PREX2: variants seen among roughly 807,000 people sequenced by gnomAD.
PREX2 encodes the protein phosphatidylinositol-3,4,5-trisphosphate dependent Rac exchange factor 2.
PREX2 carries 107 observed loss-of-function variants against 203.2 expected under a neutral mutation model. The ratio of observed to expected loss-of-function variants is 0.53; its 90% CI spans 0.45 to 0.62. The LOEUF (loss-of-function observed/expected upper bound fraction) is 0.62, where lower values mean the gene tolerates loss of function less well. Ranked by LOEUF, PREX2 falls within the 20% of genes least tolerant of loss-of-function variation. PREX2 has a pLI of 0.00. For missense variants in PREX2, 1,777 were observed against 1,955.9 expected (o/e 0.91, Z 1.72); for synonymous variants, 672 against 663.6 (o/e 1.01, Z -0.19).
chr8:68,158,835 G>T (rs983834990), intron 35 of PREX2, among the ~76,000 whole-genome samples: 3 of 152,018 alleles, frequency 2.0e-5, no homozygotes, highest in African/African-American at 7.2e-5. Flanking sequence ...TAACAGCATT[G>T]ATGATCAAAA....
Position 68,236,444 on chromosome 8 carries a change from T to C in PREX2, c.*5066T>C, listed in dbSNP as rs1813266376. On this transcript the variant is annotated 3_prime_UTR_variant, in exon 40 of 40. Coordinates refer to ENST00000288368, the MANE Select transcript of PREX2 (RefSeq NM_024870.4). Reference sequence around the variant, plus strand: ...GATTTGAAAACCTTCGTGGTGTCTCTGTGTGTTATTGATCATCTGTGTCTT... The same window carrying C: ...GATTTGAAAACCTTCGTGGTGTCTCCGTGTGTTATTGATCATCTGTGTCTT... 6.6e-6 allele frequency: 1 copy of C among 152,184 alleles called. No individual in the cohort carries two copies. The highest frequency in any genetic ancestry group is 2.1e-4 in the South Asian group (1 of 4,832). The allele number at this position is 152,184 out of a possible 1,614,324, so 9.4% of individuals were successfully genotyped here.
chr8:68,172,568 TAATC>T (rs1811901388), intron 35 of PREX2, among the ~76,000 whole-genome samples: 1 of 152,186 alleles, frequency 6.6e-6, no homozygotes, highest in Non-Finnish European at 1.5e-5. Flanking sequence ...TACAAGAAGA[TAATC>T]AATCTTAAGC....
At chr8:68,086,317 C>T (rs770426742) in intron 18 of PREX2, among the ~76,000 whole-genome samples, 10 of 152,100 alleles carry the variant, frequency 6.6e-5, no homozygotes, top group Non-Finnish European at 1.3e-4. Context: ...TGCCTTAGGC[C>T]TAAATGTAGC....
At chr8:68,025,175 G>A (rs1418369669) in intron 4 of PREX2, among the ~76,000 whole-genome samples, 1 of 151,758 alleles carries the variant, frequency 6.6e-6, no homozygotes, top group Non-Finnish European at 1.5e-5. Context: ...AGTTCTACTA[G>A]CAATAACTTT....
At position 68,178,519 on chromosome 8, in the gene PREX2, T is replaced by C. The variant is rs1196141157; in HGVS notation, c.4347-13203T>C. ...TTGTAGACTCTGGATATTAGACCTTTGGCAGTTGGATAGATTGCAAAATTT... is the reference window on the plus strand; with the variant it reads ...TTGTAGACTCTGGATATTAGACCTTCGGCAGTTGGATAGATTGCAAAATTT... On this transcript the variant is annotated intron_variant, in intron 35 of 39. Coordinates refer to ENST00000288368, the MANE Select transcript of PREX2 (RefSeq NM_024870.4). Among the ~76,000 whole-genome samples the C allele has an allele frequency of 2.0e-5, 3 of 152,126 alleles. No homozygotes were observed. In the East Asian group the frequency reaches 5.8e-4, roughly 29 times the overall value.
At chr8:68,099,344 G>T (rs1375847038) in intron 22 of PREX2, among the ~76,000 whole-genome samples, 1 of 151,844 alleles carries the variant, frequency 6.6e-6, no homozygotes, top group Non-Finnish European at 1.5e-5. Flanking sequence ...CTAAAATATA[G>T]AAGTGTCCCA....
chr8:68,087,637 T>C (rs1585775260), intron 18 of PREX2, 87 bp from the exon 19 acceptor site: 1 of 942,786 alleles, frequency 1.1e-6, no homozygotes, highest in African/African-American at 1.6e-5. Context: ...TATGTATTTA[T>C]TGAGAGGTGT....
intron 33 of PREX2, among the ~76,000 whole-genome samples, chr8:68,138,726 C>T (rs1811161741): frequency 6.6e-6 from 1 of 152,080 alleles, no homozygotes; most frequent in Admixed American, 6.5e-5. Context: ...GGTTTAATGT[C>T]CATATCTTTT....
At position 68,053,177 on chromosome 8, in the gene PREX2, A is replaced by G. The variant is rs200431659; in HGVS notation, c.1024A>G (p.Met342Val). 3.8e-5 allele frequency: 62 copies of G among 1,613,692 alleles called. No homozygotes were observed. Among genetic ancestry groups the G allele is most frequent in the Non-Finnish European group, 4.9e-5 (58 of 1,179,782 alleles). ...NTAKNKWFVC[M>V]AKTPEEKHEW... ...AGCAAAAAATAAATGGTTTGTTTGTATGGCAAAAACACCTGAAGAGAAGCA... is the reference window on the plus strand; with the variant it reads ...AGCAAAAAATAAATGGTTTGTTTGTGTGGCAAAAACACCTGAAGAGAAGCA... Residue 342 changes from methionine (M) to valine (V), a missense_variant, in exon 9 of 40, where the codon ATG becomes GTG. Physicochemically the swap from Met to Val is conservative, Grantham distance 21. Transcript: ENST00000288368.
intron 7 of PREX2, among the ~76,000 whole-genome samples, chr8:68,043,168 A>G (rs1249091067): frequency 6.6e-6 from 1 of 152,088 alleles, no homozygotes; most frequent in Non-Finnish European, 1.5e-5. Flanking sequence ...TTTCATAGCT[A>G]CCTGGGATGA....
At chr8:68,126,648 T>TC (rs1810892784) in intron 30 of PREX2, among the ~76,000 whole-genome samples, 1 of 152,112 alleles carries the variant, frequency 6.6e-6, no homozygotes, top group Non-Finnish European at 1.5e-5. Flanking sequence ...ATCTTTTTTT[T>TC]CCCATAATCT....
At chr8:68,090,797 A>T in intron 20 of PREX2, 82 bp downstream of exon 20, 1 of 1,208,914 alleles carries the variant, frequency 8.3e-7, no homozygotes, top group Non-Finnish European at 1.1e-6. Flanking sequence ...AGTGCCAGAG[A>T]TATTTGTGGT....
rs1378245728 is a variant in PREX2 at position 68,046,908 on chromosome 8, T to C, written c.943+2318T>C. ...ACTAGGTTCCTGGGGAATTGAATAA[T>C]AGAAATTTTGAAGAAGGATAGGATC... On this transcript the variant is annotated intron_variant, in intron 8 of 39. Coordinates refer to ENST00000288368, the MANE Select transcript of PREX2 (RefSeq NM_024870.4). 2.6e-5 allele frequency among the ~76,000 whole-genome samples: 4 copies of C among 152,026 alleles called. No homozygotes were observed. In the East Asian group the frequency reaches 7.7e-4, roughly 29 times the overall value.
At chr8:68,176,902 A>G (rs940914965) in intron 35 of PREX2, 3 of 152,160 alleles carry the variant, frequency 2.0e-5, no homozygotes, top group Non-Finnish European at 4.4e-5. Context: ...CATGTTCCTG[A>G]GAATAATGTA....
chr8:68,161,144 G>A (rs1230210000), intron 35 of PREX2, among the ~76,000 whole-genome samples: 1 of 151,382 alleles, frequency 6.6e-6, no homozygotes, highest in Admixed American at 6.6e-5. Context: ...GCCCAGGCTA[G>A]AGTGCAATGG....
chr8:67,952,584 C>T, intron 1 of PREX2, 49 bp downstream of exon 1: 1 of 1,583,098 alleles, frequency 6.3e-7, no homozygotes, highest in Non-Finnish European at 8.6e-7. Context: ...GCGCGGGGCG[C>T]GGGTCCCGGA....
At chr8:68,004,197 G>C (rs1247119391) in intron 1 of PREX2, among the ~76,000 whole-genome samples, 1 of 152,156 alleles carries the variant, frequency 6.6e-6, no homozygotes, top group Non-Finnish European at 1.5e-5. Context: ...CCTTGGAGAA[G>C]CTACTTAATC....
At chr8:67,953,160 C>G (rs1360305941) in intron 1 of PREX2, among the ~76,000 whole-genome samples, 2 of 143,030 alleles carry the variant, frequency 1.4e-5, no homozygotes, top group African/African-American at 5.0e-5. Flanking sequence ...CTGTCCTAGT[C>G]TTACAATTCC....
Position 68,025,169 on chromosome 8 carries a change from C to T in PREX2, c.442-2053C>T, listed in dbSNP as rs546094128. ...TACTTCTTCTTCTTGTAAGTCAGTT[C>T]TACTAGCAATAACTTTGCTCAGTCT... On this transcript the variant is annotated intron_variant, in intron 4 of 39. Coordinates refer to ENST00000288368, the MANE Select transcript of PREX2 (RefSeq NM_024870.4). Among the ~76,000 whole-genome samples the T allele has an allele frequency of 3.3e-5, 5 of 152,020 alleles. No individual in the cohort carries two copies. In the South Asian group the frequency reaches 1.0e-3, roughly 32 times the overall value.
Sources: allele counts gnomAD v4.1 joint callset (sites outside exome capture counted in the v4.1 genomes callset), GRCh38; gene constraint gnomAD v4.1.1; transcripts MANE v1.5; gene names NCBI Gene and HGNC (gene_info 2026-07-23, HGNC 2026-07-21).